Variants in TES observed in about 807,000 individuals in gnomAD.
TES encodes the protein testin LIM domain protein, also known as testin.
Under a neutral mutation model 48.2 loss-of-function variants are expected in TES, and 41 were observed. That is an observed-to-expected ratio of 0.85 (90% CI 0.66 to 1.10). The LOEUF is 1.10. Among genes scored for constraint, TES ranks in the 50% least tolerant of loss-of-function variants. TES has a pLI of 0.00. For synonymous variants in TES, 162 were observed against 174.9 expected (o/e 0.93, Z 0.58); for missense variants, 463 against 515.1 (o/e 0.90, Z 0.98).
chr7:116,229,495 A>G (rs919502234), intron 1 of TES, among the ~76,000 whole-genome samples: 3 of 152,190 alleles, frequency 2.0e-5, no homozygotes, highest in Non-Finnish European at 4.4e-5. Flanking sequence ...CTTAGAGTAG[A>G]TGGGGTTCCA....
chr7:116,222,878 C>T (rs2116578601), intron 1 of TES: 6 of 702,432 alleles, frequency 8.5e-6, no homozygotes, highest in Non-Finnish European at 1.0e-5. Context: ...CAGAGCTCAG[C>T]CAATCCTAAT....
At chr7:116,214,751 A>G (rs1584607596) in intron 1 of TES, among the ~76,000 whole-genome samples, 3 of 152,240 alleles carry the variant, frequency 2.0e-5, no homozygotes, top group African/African-American at 7.2e-5. Flanking sequence ...GCTATTACCT[A>G]TGTCCCATCA....
rs1367103049 is a variant in TES at position 116,210,572 on chromosome 7, C to T, written c.-136C>T. 1.1e-5 allele frequency: 11 copies of T among 1,006,236 alleles called. No homozygotes were observed. Among genetic ancestry groups the T allele is most frequent in the Non-Finnish European group, 1.3e-5 (10 of 768,976 alleles). 62.3% of individuals were successfully genotyped at this position (1,006,236 alleles called of 1,614,324 possible). On this transcript the variant is annotated 5_prime_UTR_variant, in exon 1 of 7. Transcript: ENST00000358204. ...GGACTGGGCGGCGGAAGTTCGACGGCGCCGGGCGAGTGGCTGTTGAGCGGC... is the reference window on the plus strand; with the variant it reads ...GGACTGGGCGGCGGAAGTTCGACGGTGCCGGGCGAGTGGCTGTTGAGCGGC...
intron 2 of TES, among the ~76,000 whole-genome samples, chr7:116,240,508 T>C (rs1799831834): frequency 6.6e-6 from 1 of 152,064 alleles, no homozygotes; most frequent in Non-Finnish European, 1.5e-5. Flanking sequence ...TCCATACATA[T>C]TAATGTTTGC....
chr7:116,251,577 G>T, intron 4 of TES, 183 bp from the exon 5 acceptor site: 1 of 594,166 alleles, frequency 1.7e-6, no homozygotes. Flanking sequence ...CAGCTACTCG[G>T]GAGGCTGAGG....
intron 6 of TES, among the ~76,000 whole-genome samples, chr7:116,255,706 G>A (rs1800089263): frequency 6.6e-6 from 1 of 152,026 alleles, no homozygotes; most frequent in African/African-American, 2.4e-5. Context: ...TAAAACACAC[G>A]GTGTATTTTA....
intron 2 of TES, among the ~76,000 whole-genome samples, chr7:116,237,448 T>C (rs770556895): frequency 2.0e-5 from 3 of 152,136 alleles, no homozygotes; most frequent in African/African-American, 4.8e-5. Flanking sequence ...CCCTAACATC[T>C]GGCCTCTGCT....
chr7:116,255,470 A>G (rs1176402479), intron 6 of TES, among the ~76,000 whole-genome samples: 1 of 152,318 alleles, frequency 6.6e-6, no homozygotes, highest in East Asian at 1.9e-4. Flanking sequence ...ATGAATGGTA[A>G]TCAAATTATT....
chr7:116,248,171 G>A (rs1437281579), intron 2 of TES, among the ~76,000 whole-genome samples: 1 of 152,144 alleles, frequency 6.6e-6, no homozygotes, highest in Non-Finnish European at 1.5e-5. Flanking sequence ...TGGCTGCATA[G>A]TATTCTATGG....
At chr7:116,217,546 CT>C (rs1224475518) in intron 1 of TES, among the ~76,000 whole-genome samples, 1 of 152,028 alleles carries the variant, frequency 6.6e-6, no homozygotes, top group Non-Finnish European at 1.5e-5. Flanking sequence ...AATTATTTTA[CT>C]TTTTACAAGG....
intron 1 of TES, among the ~76,000 whole-genome samples, chr7:116,230,081 C>CT (rs1478999730): frequency 1.3e-5 from 2 of 152,166 alleles, no homozygotes; most frequent in South Asian, 2.1e-4. Flanking sequence ...GTCTGAAACT[C>CT]TAATTTCTCT....
intron 6 of TES, 155 bp downstream of exon 6, chr7:116,252,631 CA>C (rs1800035587): frequency 9.8e-7 from 1 of 1,017,684 alleles, no homozygotes; most frequent in Non-Finnish European, 1.5e-6. Context: ...CAAGGCAATT[CA>C]AAAACAATAC....
At chr7:116,250,536 T>G in intron 4 of TES, 40 bp downstream of exon 4, 1 of 1,391,650 alleles carries the variant, frequency 7.2e-7, no homozygotes, top group African/African-American at 1.5e-5. Context: ...ATTTGTATAC[T>G]TTACAGAATT....
chr7:116,241,002 A>G (rs1799840897), intron 2 of TES, among the ~76,000 whole-genome samples: 1 of 152,172 alleles, frequency 6.6e-6, no homozygotes, highest in African/African-American at 2.4e-5. Flanking sequence ...TTAGGTTTGT[A>G]TAAAACCACG....
chr7:116,254,938 A>G (rs1263830047), intron 6 of TES, among the ~76,000 whole-genome samples: 1 of 152,140 alleles, frequency 6.6e-6, no homozygotes, highest in African/African-American at 2.4e-5. Context: ...ATGCTACATT[A>G]TATAAAATTT....
At chr7:116,253,132 T>C (rs1027129202) in intron 6 of TES, among the ~76,000 whole-genome samples, 1 of 152,204 alleles carries the variant, frequency 6.6e-6, no homozygotes, top group Non-Finnish European at 1.5e-5. Flanking sequence ...TCCAGGAGTA[T>C]CCAAATAGAC....
intron 5 of TES, 99 bp from the exon 6 acceptor site, chr7:116,252,219 G>A: frequency 2.3e-6 from 3 of 1,310,764 alleles, no homozygotes; most frequent in Non-Finnish European, 3.1e-6. Context: ...CAAGCTTTAG[G>A]TTATCATTTT....
chr7:116,234,472 T>G, intron 1 of TES, 62 bp from the exon 2 acceptor site: 1 of 1,431,216 alleles, frequency 7.0e-7, no homozygotes, highest in Middle Eastern at 1.8e-4. Context: ...AAGTGCAATT[T>G]ATTGAATTTT....
intron 2 of TES, among the ~76,000 whole-genome samples, chr7:116,247,792 TCTG>T (rs1799948441): frequency 6.6e-6 from 1 of 152,220 alleles, no homozygotes; most frequent in South Asian, 2.1e-4. Flanking sequence ...GACTGATAAT[TCTG>T]CTGCTTTCCT....
Sources: allele counts gnomAD v4.1 joint callset (sites outside exome capture counted in the v4.1 genomes callset), GRCh38; gene constraint gnomAD v4.1.1; transcripts MANE v1.5; gene names NCBI Gene and HGNC (gene_info 2026-07-23, HGNC 2026-07-21).